Variants in ERC2 observed in about 807,000 individuals in gnomAD.
The protein encoded by ERC2 is ERC protein 2.
In ERC2, 42 loss-of-function variants were observed where a neutral mutation model predicts 114.8. The observed-to-expected ratio is 0.37, with a 90% CI of 0.29 to 0.47. ERC2 has a LOEUF of 0.47. Ranked by LOEUF, ERC2 falls within the 20% of genes least tolerant of loss-of-function variation. The pLI is 0.99. For synonymous variants in ERC2, 454 were observed against 425.5 expected (o/e 1.07, Z -0.82); for missense variants, 939 against 1,150.7 (o/e 0.82, Z 2.66).
In ERC2 at chr3:56,205,420, T is replaced by G. The variant is rs565982734; in HGVS notation, c.1075-31900A>C. Among the ~76,000 whole-genome samples, 21 of 152,316 alleles carry G rather than the reference T, an allele frequency of 1.4e-4. No homozygotes were observed. In the South Asian group the frequency reaches 4.4e-3, roughly 32 times the overall value. ...TGGGTCACTGGAGTGCATTGCATTC[T>G]GAGCAGGACCCCAATTACTCTAGCA... On this transcript the variant is annotated intron_variant, in intron 3 of 17. Transcript: ENST00000288221.
At chr3:56,341,239 G>A (rs766140696) in intron 2 of ERC2, among the ~76,000 whole-genome samples, 2 of 151,954 alleles carry the variant, frequency 1.3e-5, no homozygotes, top group Non-Finnish European at 1.5e-5. Context: ...TCTTACAAAG[G>A]CTATTCTAAG....
chr3:56,348,907 A>AGAAG lies in ERC2; in HGVS notation c.658-52476_658-52473dup, dbSNP rs1358863890. On this transcript the variant is annotated intron_variant, in intron 2 of 17. Transcript: ENST00000288221. ...AGGAAGGAAGGAAGGAAGGAAGGAA[A>AGAAG]GAAGGAAGGAAGGAAGGAAGGAAGG... 6.1e-3 allele frequency among the ~76,000 whole-genome samples: 214 copies of AGAAG among 34,874 alleles called. 1 individual carries two copies. The highest frequency in any genetic ancestry group is 0.015 in the African/African-American group (187 of 12,764). The allele number at this position is 34,874 out of a possible 152,430, so 22.9% of individuals were successfully genotyped here.
At chr3:56,162,830 T>G (rs1021182962) in intron 4 of ERC2, among the ~76,000 whole-genome samples, 2 of 152,130 alleles carry the variant, frequency 1.3e-5, no homozygotes, top group African/African-American at 4.8e-5. Flanking sequence ...TTTAGTTTCA[T>G]TGATTCTTTG....
chr3:55,998,353 G>A (rs1276056310), intron 10 of ERC2, among the ~76,000 whole-genome samples: 1 of 151,984 alleles, frequency 6.6e-6, no homozygotes, highest in Non-Finnish European at 1.5e-5. Context: ...TTTTAATTAT[G>A]GGATTTCCTA....
chr3:55,799,949 A>G (rs2070904655), intron 14 of ERC2, among the ~76,000 whole-genome samples: 1 of 152,146 alleles, frequency 6.6e-6, no homozygotes, highest in Admixed American at 6.5e-5. Flanking sequence ...GGGTGCCCTT[A>G]AACAAAAGTC....
At chr3:55,996,551 A>G (rs2071527958) in intron 10 of ERC2, among the ~76,000 whole-genome samples, 1 of 152,210 alleles carries the variant, frequency 6.6e-6, no homozygotes, top group Non-Finnish European at 1.5e-5. Context: ...AAATGGGAAA[A>G]GGACATTTCA....
At chr3:56,453,705 C>T (rs1199681993) in intron 1 of ERC2, among the ~76,000 whole-genome samples, 2 of 152,144 alleles carry the variant, frequency 1.3e-5, no homozygotes, top group African/African-American at 2.4e-5. Flanking sequence ...TAATTGCCTC[C>T]AAATGTATTC....
At chr3:56,255,842 C>T (rs375891987) in intron 3 of ERC2, among the ~76,000 whole-genome samples, 39 of 152,286 alleles carry the variant, frequency 2.6e-4, no homozygotes, top group East Asian at 1.5e-3. Context: ...AAATGGTCTG[C>T]GGACCAGCAG....
chr3:55,869,022 T>A (rs1247106385), intron 14 of ERC2, among the ~76,000 whole-genome samples: 1 of 152,180 alleles, frequency 6.6e-6, no homozygotes, highest in African/African-American at 2.4e-5. Flanking sequence ...CCTTCCTTAT[T>A]ATAAACATAT....
intron 14 of ERC2, among the ~76,000 whole-genome samples, chr3:55,737,290 T>C (rs778784687): frequency 1.3e-5 from 2 of 152,178 alleles, no homozygotes; most frequent in African/African-American, 2.4e-5. Flanking sequence ...ATATCTCCAT[T>C]TTCCAGAAGA....
intron 14 of ERC2, among the ~76,000 whole-genome samples, chr3:55,855,643 T>C (rs1389438096): frequency 6.6e-6 from 1 of 152,118 alleles, no homozygotes; most frequent in Non-Finnish European, 1.5e-5. Flanking sequence ...AGATTAACTA[T>C]AAAGAAAAAC....
At chr3:55,654,370 GC>G (rs1464371729) in intron 17 of ERC2, among the ~76,000 whole-genome samples, 3 of 152,252 alleles carry the variant, frequency 2.0e-5, no homozygotes, top group Non-Finnish European at 4.4e-5. Context: ...CTTCTCCTGA[GC>G]TTTGAGGATG....
At chr3:56,356,939 T>C (rs569194015) in intron 2 of ERC2, among the ~76,000 whole-genome samples, 2 of 152,320 alleles carry the variant, frequency 1.3e-5, no homozygotes, top group East Asian at 3.9e-4. Flanking sequence ...TCACAGCTAA[T>C]AAATAATGGA....
Position 55,509,828 on chromosome 3 carries a change from A to G in ERC2, c.*1488T>C, listed in dbSNP as rs1559571884. 1 of 152,640 alleles carries G rather than the reference A, an allele frequency of 6.6e-6. No homozygotes were observed. The allele number at this position is 152,640 out of a possible 1,614,324, so 9.5% of individuals were successfully genotyped here. A position where few individuals can be genotyped will look rare whatever the true frequency, so the allele number is the denominator to read the frequency against. ...TAGAATCCTTTCCACAGCAGCAAAGAAAGACAACTATATTTATTAAGGCCA... is the reference window on the plus strand; with the variant it reads ...TAGAATCCTTTCCACAGCAGCAAAGGAAGACAACTATATTTATTAAGGCCA... On this transcript the variant is annotated 3_prime_UTR_variant, in exon 18 of 18. Coordinates refer to ENST00000288221, the MANE Select transcript of ERC2 (RefSeq NM_015576.3).
At chr3:55,688,143 A>C (rs2062434449) in intron 16 of ERC2, among the ~76,000 whole-genome samples, 1 of 152,224 alleles carries the variant, frequency 6.6e-6, no homozygotes, top group Non-Finnish European at 1.5e-5. Flanking sequence ...CCGCCAAAAC[A>C]GGAAAGTCCT....
intron 14 of ERC2, among the ~76,000 whole-genome samples, chr3:55,860,300 T>C (rs1328793279): frequency 6.6e-6 from 1 of 152,194 alleles, no homozygotes; most frequent in Non-Finnish European, 1.5e-5. Flanking sequence ...CCTTAATTCA[T>C]AGCGACAAGC....
chr3:56,370,586 G>GTTTTT (rs1560690146), intron 2 of ERC2, among the ~76,000 whole-genome samples: 2 of 145,512 alleles, frequency 1.4e-5, no homozygotes, highest in Admixed American at 7.1e-5. Context: ...TTTTGGTGGG[G>GTTTTT]GTTTTTTTGT....
At chr3:55,929,573 A>G (rs1433500692) in intron 13 of ERC2, among the ~76,000 whole-genome samples, 1 of 152,248 alleles carries the variant, frequency 6.6e-6, no homozygotes, top group African/African-American at 2.4e-5. Flanking sequence ...GTTATAATAT[A>G]TAGGGATAGG....
At chr3:56,397,169 T>A (rs1035200722) in intron 2 of ERC2, among the ~76,000 whole-genome samples, 13 of 152,054 alleles carry the variant, frequency 8.5e-5, no homozygotes, top group African/African-American at 3.1e-4. Flanking sequence ...GTTTTAAAAT[T>A]CAAAGAGTAC....
Sources: gnomAD v4.1 joint callset for allele counts (sites outside exome capture counted in the v4.1 genomes callset) on GRCh38, gnomAD v4.1.1 for gene constraint, MANE v1.5 for transcripts, NCBI Gene and HGNC (gene_info 2026-07-23, HGNC 2026-07-21) for gene names.